WNT9B: variants seen among roughly 807,000 people sequenced by gnomAD.
WNT9B encodes the protein Wnt family member 9B.
Under a neutral mutation model 30.2 loss-of-function variants are expected in WNT9B, and 12 were observed. The observed-to-expected ratio is 0.40, with a 90% CI of 0.26 to 0.64. The LOEUF (loss-of-function observed/expected upper bound fraction) is 0.64, where lower values mean the gene tolerates loss of function less well. WNT9B is among the 30% of genes least tolerant of loss of function. The pLI, the probability that WNT9B is intolerant of heterozygous loss-of-function variation, is 0.42. For synonymous variants in WNT9B, 218 were observed against 216.9 expected, an observed-to-expected ratio of 1.01 and a Z score of -0.05; for missense variants, 442 against 485.2, an observed-to-expected ratio of 0.91 and a Z score of 0.84.
At chr17:46,865,896 G>A (rs978926863) in intron 1 of WNT9B, among the ~76,000 whole-genome samples, 2 of 152,128 alleles carry the variant, frequency 1.3e-5, no homozygotes, top group Admixed American at 1.3e-4. Flanking sequence ...ACAGGTGCGC[G>A]CCACAATGCC....
intron 1 of WNT9B, among the ~76,000 whole-genome samples, chr17:46,842,068 C>G (rs1226049773): frequency 6.6e-5 from 10 of 152,196 alleles, no homozygotes; most frequent in African/African-American, 2.2e-4. Context: ...GAGGCCTCCC[C>G]CTCCATCCCT....
rs993799319 is a variant in WNT9B, at chr17:46,877,545, G to A, written c.*827G>A. ...ACCTGAGGTTGAACAGGGAGACAAC[G>A]GCCCCTCCCTGTGTTCCCTGCTGGC... On this transcript the variant is annotated 3_prime_UTR_variant, in exon 4 of 4. Coordinates refer to ENST00000290015, the MANE Select transcript of WNT9B (RefSeq NM_003396.3). 2.0e-5 allele frequency among the ~76,000 whole-genome samples: 3 copies of A among 152,156 alleles called. No homozygotes were observed. The highest frequency in any genetic ancestry group is 2.1e-4 in the South Asian group (1 of 4,828).
downstream of WNT9B, among the ~76,000 whole-genome samples, chr17:46,880,850 A>G (rs2085413393): frequency 6.6e-6 from 1 of 152,224 alleles, no homozygotes; most frequent in South Asian, 2.1e-4. Context: ...CAGACAGGCC[A>G]GAGCCTGCAT....
At chr17:46,860,271 G>A (rs1346524135) in intron 1 of WNT9B, among the ~76,000 whole-genome samples, 5 of 152,122 alleles carry the variant, frequency 3.3e-5, no homozygotes, top group African/African-American at 9.7e-5. Flanking sequence ...GCAGACTCCC[G>A]GGCTGGAATC....
At chr17:46,841,636 A>C (rs1487456949) in intron 1 of WNT9B, among the ~76,000 whole-genome samples, 1 of 149,574 alleles carries the variant, frequency 6.7e-6, no homozygotes, top group Non-Finnish European at 1.5e-5. Context: ...GGATTCCTTG[A>C]GGAGAAGGGG....
chr17:46,864,448 T>C (rs1055744799), intron 1 of WNT9B, among the ~76,000 whole-genome samples: 4 of 152,228 alleles, frequency 2.6e-5, no homozygotes, highest in African/African-American at 9.6e-5. Flanking sequence ...CACACTTTAG[T>C]ATGAAGAGGT....
At chr17:46,850,069 C>T (rs2084823242), upstream of WNT9B, among the ~76,000 whole-genome samples, 2 of 152,154 alleles carry the variant, frequency 1.3e-5, no homozygotes, top group Admixed American at 6.5e-5. Context: ...AGGCTGGTCT[C>T]GAATTCCTGA....
Position 46,876,662 on chromosome 17 carries a change from T to TA in WNT9B, c.1019dup (p.Tyr340Ter). 1 of 1,598,318 alleles carries TA rather than the reference T, an allele frequency of 6.3e-7. No homozygotes were observed. Residue 340 changes from tyrosine (Y) to a stop codon, truncating the protein, a stop_gained and frameshift_variant, in exon 4 of 4, where the codon TAC (tyrosine) becomes TAAC (stop). Coordinates refer to ENST00000290015, the MANE Select transcript of WNT9B (RefSeq NM_003396.3). LOFTEE classifies it high-confidence loss of function. Reference protein sequence around the residue: ...SCHCQVQWCCYVECQQCVQEE... With the variant: ...SCHCQVQWCC ...CCACTGCCAGGTGCAGTGGTGCTGCTACGTGGAGTGCCAGCAATGTGTGCA... is the reference window on the plus strand; with the variant it reads ...CCACTGCCAGGTGCAGTGGTGCTGCTAACGTGGAGTGCCAGCAATGTGTGCA...
upstream of WNT9B, among the ~76,000 whole-genome samples, chr17:46,848,932 G>GCACA (rs60793746): frequency 5.5e-3 from 810 of 146,284 alleles, 12 homozygotes; most frequent in African/African-American, 0.017. Context: ...GTGTGCACGT[G>GCACA]CACACACACA....
At chr17:46,884,826 G>T (rs142492821), downstream of WNT9B, among the ~76,000 whole-genome samples, 1,454 of 152,240 alleles carry the variant, frequency 9.6e-3, 17 homozygotes, top group African/African-American at 0.034. Context: ...GGATTGGGAG[G>T]TCTGGGAAGG....
At chr17:46,874,991 G>A (rs766370235) in intron 2 of WNT9B, 110 bp from the exon 3 acceptor site, 40 of 1,548,460 alleles carry the variant, frequency 2.6e-5, no homozygotes, top group Admixed American at 6.7e-5. Flanking sequence ...CCATCACAGC[G>A]CTGCCACCAC....
At chr17:46,881,913 T>C (rs772876978), downstream of WNT9B, among the ~76,000 whole-genome samples, 55 of 152,132 alleles carry the variant, frequency 3.6e-4, no homozygotes, top group Non-Finnish European at 5.6e-4. Context: ...CATCACCACA[T>C]CTAAGAGATG....
Position 46,872,793 on chromosome 17 carries a change from GA to G in WNT9B, c.334+21del. The G allele has an allele frequency of 1.5e-6, 2 of 1,360,778 alleles. No homozygotes were observed. The highest frequency in any genetic ancestry group is 2.1e-6 in the Non-Finnish European group (2 of 965,488). The allele number at this position is 1,360,778 out of a possible 1,614,324, so 84.3% of individuals were successfully genotyped here. The stretch of plus-strand genomic sequence containing the variant: ...AGAGAGGTGGGGAGGAGGGCTAGGG[GA>G]CGGGGAGGGCTGGGGGAAGAAGCCT... On this transcript the variant is annotated intron_variant, in intron 2 of 3. Transcript: ENST00000290015.
At chr17:46,850,166 C>G (rs989151603), upstream of WNT9B, among the ~76,000 whole-genome samples, 8 of 152,200 alleles carry the variant, frequency 5.3e-5, no homozygotes, top group African/African-American at 1.9e-4. Flanking sequence ...TAACATCTTA[C>G]CTGCACAAAA....
At chr17:46,860,172 G>A (rs2085011497) in intron 1 of WNT9B, among the ~76,000 whole-genome samples, 1 of 152,152 alleles carries the variant, frequency 6.6e-6, no homozygotes, top group African/African-American at 2.4e-5. Flanking sequence ...TCCAGAGTTG[G>A]GCTGAGAGTC....
chr17:46,851,776 A>G lies in WNT9B; in HGVS notation c.77+61A>G. 3 of 886,472 alleles carry G rather than the reference A, an allele frequency of 3.4e-6. No homozygotes were observed. The highest frequency in any genetic ancestry group is 4.5e-6 in the Non-Finnish European group (3 of 668,260). The allele number at this position is 886,472 out of a possible 1,614,324, so 54.9% of individuals were successfully genotyped here. On this transcript the variant is annotated intron_variant, in intron 1 of 3. Transcript: ENST00000290015. This position sits in a 1 kb window ranked among gnomAD's most constrained non-coding sequence, Gnocchi z 4.3. ...CCTGCCTGTCTCTCCCTCCTGCGCT[A>G]CAGCTGGGCCAATTTTTCCCTCCCG...
intron 1 of WNT9B, among the ~76,000 whole-genome samples, chr17:46,839,967 TC>T (rs1326120444): frequency 6.8e-5 from 10 of 147,638 alleles, no homozygotes; most frequent in Non-Finnish European, 1.1e-4. Flanking sequence ...TTTCTTTCTT[TC>T]TTTCTTTCTC....
At chr17:46,884,480 C>T (rs2085465501), downstream of WNT9B, among the ~76,000 whole-genome samples, 1 of 152,102 alleles carries the variant, frequency 6.6e-6, no homozygotes, top group Non-Finnish European at 1.5e-5. Flanking sequence ...TGCTGGGGGC[C>T]AGGGATGGGG....
At chr17:46,859,632 C>G (rs2085000589) in intron 1 of WNT9B, among the ~76,000 whole-genome samples, 1 of 152,154 alleles carries the variant, frequency 6.6e-6, no homozygotes, top group Admixed American at 6.6e-5. Flanking sequence ...ACTATAAGTT[C>G]TCTAACTGTG....
Sources: allele counts gnomAD v4.1 joint callset (sites outside exome capture counted in the v4.1 genomes callset), GRCh38; gene constraint gnomAD v4.1.1; non-coding constraint Gnocchi (gnomAD v3.1); transcripts MANE v1.5; gene names NCBI Gene and HGNC (gene_info 2026-07-23, HGNC 2026-07-21).